Variants in KLB observed in about 807,000 individuals in gnomAD.
KLB encodes klotho beta.
Under a neutral mutation model 88.4 loss-of-function variants are expected in KLB, and 44 were observed. The ratio of observed to expected loss-of-function variants is 0.50; its 90% CI spans 0.39 to 0.64. The LOEUF (loss-of-function observed/expected upper bound fraction) is 0.64, where lower values mean the gene tolerates loss of function less well. Among genes scored for constraint, KLB ranks in the 30% least tolerant of loss-of-function variants. The probability of loss-of-function intolerance (pLI) is 0.00; values close to 1 mark genes in which losing one functional copy is unlikely to be tolerated. For synonymous variants in KLB, 548 were observed against 513.4 expected (o/e 1.07, Z -0.91); for missense variants, 1,137 against 1,304.8 (o/e 0.87, Z 1.98).
At chr4:39,431,781 G>A (rs923340504) in intron 1 of KLB, among the ~76,000 whole-genome samples, 3 of 152,118 alleles carry the variant, frequency 2.0e-5, no homozygotes, top group Non-Finnish European at 4.4e-5. Flanking sequence ...CATCTAACAG[G>A]GTTTATGGAA....
At chr4:39,440,509 A>G (rs1280517615) in intron 3 of KLB, among the ~76,000 whole-genome samples, 2 of 152,198 alleles carry the variant, frequency 1.3e-5, no homozygotes, top group Non-Finnish European at 2.9e-5. Context: ...GAGACCAGAC[A>G]AAAGGGTTCA....
intron 1 of KLB, among the ~76,000 whole-genome samples, chr4:39,415,638 T>C (rs1210741626): frequency 1.3e-5 from 2 of 152,226 alleles, no homozygotes; most frequent in African/African-American, 2.4e-5. Flanking sequence ...GTTATTAGCA[T>C]TTAAAATATT....
chr4:39,448,368 A>G lies in KLB; in HGVS notation c.2817A>G (p.Lys939=). Residue 939 remains lysine, a synonymous_variant, in exon 5 of 5, where the codon AAA becomes AAG. Coordinates refer to ENST00000257408, the MANE Select transcript of KLB (RefSeq NM_175737.4). Reference sequence around the variant, plus strand: ...TCAAACTGGCTGAAGAGAAATCTAAACCCAGATTTGGATTCTTCACATCTG... The same window carrying G: ...TCAAACTGGCTGAAGAGAAATCTAAGCCCAGATTTGGATTCTTCACATCTG... ...YAFKLAEEKS[K]PRFGFFTSDF... The G allele has an allele frequency of 6.2e-7, 1 of 1,613,170 alleles. No homozygotes were observed. The highest frequency in any genetic ancestry group is 8.5e-7 in the Non-Finnish European group (1 of 1,179,088).
intron 1 of KLB, among the ~76,000 whole-genome samples, chr4:39,431,197 T>C (rs1743352749): frequency 6.6e-6 from 1 of 151,574 alleles, no homozygotes; most frequent in South Asian, 2.1e-4. Flanking sequence ...CCCAAAGTGT[T>C]GGGATTACAG....
chr4:39,448,203 T>C (rs955958978), intron 4 of KLB, 98 bp from the exon 5 acceptor site: 15 of 843,882 alleles, frequency 1.8e-5, no homozygotes, highest in African/African-American at 1.7e-4. Context: ...ACCTTTATTA[T>C]GGGCATAATT....
At chr4:39,427,147 C>G (rs371481357) in intron 1 of KLB, among the ~76,000 whole-genome samples, 26 of 152,178 alleles carry the variant, frequency 1.7e-4, no homozygotes, top group African/African-American at 6.3e-4. Context: ...CCAGCCTGAG[C>G]AACATAGTGA....
chr4:39,407,291 C>T lies in KLB; in HGVS notation c.342C>T (p.Ile114=), dbSNP rs763136600. The change falls in exon 1 of 5, where the codon ATC becomes ATT. Residue 114 remains isoleucine, a synonymous_variant. Transcript: ENST00000257408. ...GKGPSIWDHF[I]HTHLKNVSST... is the part of the protein sequence containing the mutation. ...GACCTTCTATATGGGATCATTTCAT[C>T]CACACACACCTTAAAAATGTCAGCA... The T allele has an allele frequency of 1.5e-5, 24 of 1,613,828 alleles. No homozygotes were observed. The highest frequency in any genetic ancestry group is 1.3e-4 in the South Asian group (12 of 91,080).
At chr4:39,432,585 C>T (rs867424935) in intron 1 of KLB, among the ~76,000 whole-genome samples, 1 of 152,060 alleles carries the variant, frequency 6.6e-6, no homozygotes, top group African/African-American at 2.4e-5. Context: ...CATGCTGCAT[C>T]CTTATTTTCC....
chr4:39,436,171 T>C (rs549072271), intron 2 of KLB, among the ~76,000 whole-genome samples: 40 of 152,340 alleles, frequency 2.6e-4, no homozygotes, highest in Admixed American at 7.2e-4. Flanking sequence ...TTCACTCTCA[T>C]ATTAAGGAAT....
Position 39,446,906 on chromosome 4 carries a change from A to G in KLB, c.2180A>G (p.Asp727Gly). 1.9e-6 allele frequency: 3 copies of G among 1,606,422 alleles called. No homozygotes were observed. Among genetic ancestry groups the G allele is most frequent in the Non-Finnish European group, 8.5e-7 (1 of 1,179,302 alleles). ...CACGCCCTGGCCTGGCGCCTCTACG[A>G]CCGGCAGTTCAGGCCCTCACAGCGC... ...VAHALAWRLY[D>G]RQFRPSQRGA... The change falls in exon 4 of 5, where the codon GAC (aspartate) becomes GGC (glycine). Residue 727 changes from aspartate (D) to glycine (G), a missense_variant. Asp to Gly is a moderately conservative substitution (Grantham distance 94, BLOSUM62 -1). Around this residue, in one of 4 missense-constraint regions of KLB, gnomAD observed 426 missense variants for 404.6 expected, o/e 1.05. Transcript: ENST00000257408. The surrounding 1 kb of genome is among the most constrained non-coding windows in gnomAD (Gnocchi z 6.4).
At position 39,434,269 on chromosome 4, in the gene KLB, G is replaced by C; in HGVS notation, c.885G>C (p.Trp295Cys). The change falls in exon 2 of 5, where the codon TGG (tryptophan) becomes TGC (cysteine). Residue 295 changes from tryptophan to cysteine, a missense_variant. Trp to Cys is a radical substitution (Grantham distance 215, BLOSUM62 -2). This residue lies in a region of KLB where 597 missense variants were observed against 765.2 expected (regional missense o/e 0.78). Transcript: ENST00000257408. ...ATTTCCGCCCACATCAGAAGGGTTG[G>C]TTATCGATCACGTTGGGATCTCATT... is the stretch of plus-strand genomic sequence containing the variant. ...NTHFRPHQKG[W>C]LSITLGSHWI... 1 of 1,614,114 alleles carries C rather than the reference G, an allele frequency of 6.2e-7. No individual in the cohort carries two copies. Among genetic ancestry groups the C allele is most frequent in the Non-Finnish European group, 8.5e-7 (1 of 1,179,978 alleles).
intron 2 of KLB, among the ~76,000 whole-genome samples, chr4:39,435,047 T>G (rs1298465605): frequency 2.0e-5 from 3 of 152,004 alleles, no homozygotes; most frequent in Admixed American, 2.0e-4. Flanking sequence ...CCTTAAGTGA[T>G]CCGCCCGCCT....
At chr4:39,443,716 G>C (rs1161316094) in intron 3 of KLB, among the ~76,000 whole-genome samples, 1 of 140,878 alleles carries the variant, frequency 7.1e-6, no homozygotes, top group Admixed American at 7.6e-5. Context: ...AGCCAAGATC[G>C]CACCATTGCA....
chr4:39,437,811 T>G lies in KLB; in HGVS notation c.1421T>G (p.Ile474Ser). Residue 474 changes from isoleucine to serine, a missense_variant, in exon 3 of 5, where the codon ATC becomes AGC. This residue lies in a region of KLB where 597 missense variants were observed against 765.2 expected (regional missense o/e 0.78). Transcript: ENST00000257408. Reference protein sequence around the residue: ...DGFEWQDAYTIRRGLFYVDFN... With the variant: ...DGFEWQDAYTSRRGLFYVDFN... The stretch of plus-strand genomic sequence containing the variant: ...TTTGAATGGCAGGATGCTTACACCA[T>G]CCGCCGAGGATTATTTTATGTGGAT... 1 of 1,614,176 alleles carries G rather than the reference T, an allele frequency of 6.2e-7. No individual in the cohort carries two copies. Among genetic ancestry groups the G allele is most frequent in the Non-Finnish European group, 8.5e-7 (1 of 1,180,028 alleles).
At chr4:39,410,280 G>T (rs1742810870) in intron 1 of KLB, among the ~76,000 whole-genome samples, 1 of 152,144 alleles carries the variant, frequency 6.6e-6, no homozygotes, top group Admixed American at 6.5e-5. Flanking sequence ...TTGATAAAAT[G>T]ACATATTTTC....
At position 39,448,434 on chromosome 4, in the gene KLB, G is replaced by T. The variant is rs1198372571; in HGVS notation, c.2883G>T (p.Val961=). Residue 961 remains valine (V), a synonymous_variant, in exon 5 of 5, where the codon GTG becomes GTT. Transcript: ENST00000257408. ...CCTCAATACAATTTTACAACAAAGT[G>T]ATCAGCAGCAGGGGCTTCCCTTTTG... ...AKSSIQFYNK[V]ISSRGFPFEN... is the part of the protein sequence containing the mutation. 6.2e-7 allele frequency: 1 copy of T among 1,614,040 alleles called. No individual in the cohort carries two copies. The highest frequency in any genetic ancestry group is 8.5e-7 in the Non-Finnish European group (1 of 1,180,028).
At chr4:39,415,347 G>A (rs1236773380) in intron 1 of KLB, among the ~76,000 whole-genome samples, 4 of 151,934 alleles carry the variant, frequency 2.6e-5, no homozygotes, top group Non-Finnish European at 5.9e-5. Context: ...TATATTTTGA[G>A]GCCAGGTGAA....
chr4:39,419,892 C>G (rs1472255595), intron 1 of KLB, among the ~76,000 whole-genome samples: 1 of 131,226 alleles, frequency 7.6e-6, no homozygotes, highest in East Asian at 2.2e-4. Context: ...TGCAGTGAGC[C>G]AAGATCGTGC....
At chr4:39,431,296 T>C (rs771513413) in intron 1 of KLB, among the ~76,000 whole-genome samples, 13 of 151,460 alleles carry the variant, frequency 8.6e-5, no homozygotes, top group African/African-American at 1.9e-4. Context: ...TAGGCTGGAG[T>C]GCAATGTCAC....
Sources: allele counts gnomAD v4.1 joint callset (sites outside exome capture counted in the v4.1 genomes callset), GRCh38; gene constraint gnomAD v4.1.1; regional missense constraint gnomAD v4.1.1; non-coding constraint Gnocchi (gnomAD v3.1); transcripts MANE v1.5; gene names NCBI Gene and HGNC (gene_info 2026-07-23, HGNC 2026-07-21).